The following PCDH9 variants were observed in gnomAD, a reference collection of about 807,000 sequenced individuals.
The protein encoded by PCDH9 is protocadherin 9.
In PCDH9, 24 loss-of-function variants were observed where a neutral mutation model predicts 70.6. The ratio of observed to expected loss-of-function variants is 0.34; its 90% CI spans 0.25 to 0.48. The LOEUF (loss-of-function observed/expected upper bound fraction) is 0.48. Among genes scored for constraint, PCDH9 ranks in the 20% least tolerant of loss-of-function variants. The pLI, the probability that PCDH9 is intolerant of heterozygous loss-of-function variation, is 0.99. For missense variants in PCDH9, 1,281 were observed against 1,503.6 expected (o/e 0.85, Z 2.45); for synonymous variants, 562 against 558.5 (o/e 1.01, Z -0.09).
intron 4 of PCDH9, among the ~76,000 whole-genome samples, chr13:66,615,385 G>C (rs2077343000): frequency 6.6e-6 from 1 of 152,098 alleles, no homozygotes; most frequent in African/African-American, 2.4e-5. Context: ...TGATGTCTGA[G>C]TATATGCTAT....
rs185112163 is a variant in PCDH9 at position 66,601,501 on chromosome 13, C to T, written c.3340+29709G>A. 1.4e-3 allele frequency among the ~76,000 whole-genome samples: 206 copies of T among 145,640 alleles called. 27 individuals are homozygous for T. Among genetic ancestry groups the T allele is most frequent in the East Asian group, 3.9e-4 (2 of 5,144 alleles). On this transcript the variant is annotated intron_variant, in intron 4 of 4. Coordinates refer to ENST00000377865, the MANE Select transcript of PCDH9 (RefSeq NM_203487.3). ...ATGAAATTGACTTTATTTTGATGAGCGAAGGAAGAGCTAACTAATCAGGCC... is the reference window on the plus strand; with the variant it reads ...ATGAAATTGACTTTATTTTGATGAGTGAAGGAAGAGCTAACTAATCAGGCC...
intron 2 of PCDH9, among the ~76,000 whole-genome samples, chr13:67,041,694 G>A (rs1001454336): frequency 2.6e-5 from 4 of 151,992 alleles, no homozygotes; most frequent in African/African-American, 9.7e-5. Flanking sequence ...AGACAGGCAT[G>A]GTTGTGGGCA....
intron 2 of PCDH9, among the ~76,000 whole-genome samples, chr13:66,989,000 T>A (rs1189290363): frequency 2.6e-5 from 4 of 152,056 alleles, no homozygotes; most frequent in African/African-American, 9.6e-5. Context: ...ATGTTATAGA[T>A]ACTCACATGC....
At chr13:67,120,841 G>A (rs1445060094) in intron 2 of PCDH9, among the ~76,000 whole-genome samples, 1 of 151,470 alleles carries the variant, frequency 6.6e-6, no homozygotes, top group Non-Finnish European at 1.5e-5. Flanking sequence ...TGGAAAACAT[G>A]TTGATTTTGC....
At chr13:66,734,906 G>A (rs549356001) in intron 3 of PCDH9, among the ~76,000 whole-genome samples, 22 of 152,078 alleles carry the variant, frequency 1.4e-4, no homozygotes, top group Non-Finnish European at 2.9e-4. Context: ...AACTACTACC[G>A]AACGCAGTTG....
rs560762261 is a variant in PCDH9 at position 66,814,551 on chromosome 13, T to C, written c.3138+88953A>G. Among the ~76,000 whole-genome samples the C allele has an allele frequency of 1.8e-4, 28 of 152,222 alleles. No homozygotes were observed. The South Asian group carries it at 5.6e-3, about 30-fold the overall frequency. ...TTTTATTCACCCATACCTGGAACAA[T>C]CTTGGTTTGATGCACACACACAAAA... On this transcript the variant is annotated intron_variant, in intron 3 of 4. Coordinates refer to ENST00000377865, the MANE Select transcript of PCDH9 (RefSeq NM_203487.3).
At chr13:67,086,911 G>A (rs1384950997) in intron 2 of PCDH9, among the ~76,000 whole-genome samples, 2 of 151,998 alleles carry the variant, frequency 1.3e-5, no homozygotes, top group Non-Finnish European at 2.9e-5. Context: ...TATTCAATGG[G>A]AAGAATAAGG....
intron 3 of PCDH9, among the ~76,000 whole-genome samples, chr13:66,806,732 T>C (rs748901875): frequency 5.3e-5 from 8 of 152,200 alleles, no homozygotes; most frequent in Non-Finnish European, 1.0e-4. Context: ...ATATTTCCCC[T>C]ACTGTGCTGT....
chr13:66,466,116 C>T (rs1958509466), intron 4 of PCDH9, among the ~76,000 whole-genome samples: 1 of 151,974 alleles, frequency 6.6e-6, no homozygotes, highest in Non-Finnish European at 1.5e-5. Context: ...CATCTCATGA[C>T]ATAGTTTCAA....
chr13:67,001,348 T>A (rs990838149), intron 2 of PCDH9, among the ~76,000 whole-genome samples: 6 of 151,896 alleles, frequency 4.0e-5, no homozygotes, highest in African/African-American at 1.2e-4. Context: ...AAGAATTATG[T>A]CCTTGAAAAT....
At chr13:67,198,931 T>G (rs1448510159) in intron 2 of PCDH9, among the ~76,000 whole-genome samples, 1 of 151,800 alleles carries the variant, frequency 6.6e-6, no homozygotes, top group Non-Finnish European at 1.5e-5. Context: ...AAAAGAATAC[T>G]TATTAATGTT....
At chr13:66,573,292 G>A (rs966946342) in intron 4 of PCDH9, among the ~76,000 whole-genome samples, 1 of 141,886 alleles carries the variant, frequency 7.0e-6, no homozygotes, top group Non-Finnish European at 1.5e-5. Flanking sequence ...TTGCTGGTGA[G>A]TTGTTTGGAT....
intron 2 of PCDH9, among the ~76,000 whole-genome samples, chr13:67,145,223 G>A (rs1424466174): frequency 6.6e-6 from 1 of 152,028 alleles, no homozygotes; most frequent in African/African-American, 2.4e-5. Context: ...AGCTGTCTTT[G>A]TATGACTGTC....
intron 4 of PCDH9, among the ~76,000 whole-genome samples, chr13:66,532,903 A>T (rs2138636988): frequency 6.6e-6 from 1 of 152,166 alleles, no homozygotes; most frequent in South Asian, 2.1e-4. Flanking sequence ...ACAACATTAG[A>T]TCTCATAATT....
At chr13:67,211,213 G>C (rs981080281) in intron 2 of PCDH9, 8 of 151,766 alleles carry the variant, frequency 5.3e-5, no homozygotes, top group African/African-American at 1.9e-4. Flanking sequence ...TGATTCCTGA[G>C]GTCTACATAT....
chr13:66,926,537 C>G (rs1360512368), intron 2 of PCDH9, among the ~76,000 whole-genome samples: 1 of 152,018 alleles, frequency 6.6e-6, no homozygotes, highest in Non-Finnish European at 1.5e-5. Context: ...ATCTCTACAA[C>G]CAAGAACCAA....
intron 3 of PCDH9, among the ~76,000 whole-genome samples, chr13:66,872,345 A>AT (rs1276000542): frequency 6.6e-6 from 1 of 152,094 alleles, no homozygotes; most frequent in East Asian, 1.9e-4. Context: ...TCCATCCAGA[A>AT]TTTTCACATG....
chr13:66,639,342 T>A (rs778164235), intron 3 of PCDH9, among the ~76,000 whole-genome samples: 5 of 151,966 alleles, frequency 3.3e-5, no homozygotes, highest in Non-Finnish European at 7.3e-5. Context: ...TTTGTAAATG[T>A]CTTATTGTGA....
intron 2 of PCDH9, among the ~76,000 whole-genome samples, chr13:66,971,030 G>T (rs2083512996): frequency 6.6e-6 from 1 of 152,032 alleles, no homozygotes; most frequent in East Asian, 1.9e-4. Flanking sequence ...GTGCAGATCT[G>T]TGGCCATGCA....
Sources: allele counts gnomAD v4.1 joint callset (sites outside exome capture counted in the v4.1 genomes callset), GRCh38; gene constraint gnomAD v4.1.1; transcripts MANE v1.5; gene names NCBI Gene and HGNC (gene_info 2026-07-23, HGNC 2026-07-21).